Variants in DOK6 observed in about 807,000 individuals in gnomAD.
DOK6 encodes the protein docking protein 6.
A neutral mutation model predicts 44.0 loss-of-function variants in DOK6; 22 were observed. The observed-to-expected ratio is 0.50, with a 90% CI of 0.36 to 0.71. The LOEUF is 0.71. Among genes scored for constraint, DOK6 ranks in the 30% least tolerant of loss-of-function variants. DOK6 has a pLI of 0.00. For synonymous variants in DOK6, 166 were observed against 145.5 expected (o/e 1.14, Z -1.01); for missense variants, 340 against 416.4 (o/e 0.82, Z 1.60).
chr18:69,570,937 G>C (rs1983100281), intron 2 of DOK6, among the ~76,000 whole-genome samples: 1 of 152,066 alleles, frequency 6.6e-6, no homozygotes, highest in Non-Finnish European at 1.5e-5. Context: ...TCTTCAGGCA[G>C]ATTATACCAG....
At chr18:69,782,587 G>A (rs1272255859) in intron 7 of DOK6, among the ~76,000 whole-genome samples, 1 of 151,544 alleles carries the variant, frequency 6.6e-6, no homozygotes, top group African/African-American at 2.4e-5. Context: ...AAAGACAATA[G>A]AACAAGTTGT....
Position 69,482,516 on chromosome 18 carries a change from C to T in DOK6, c.66+81206C>T, listed in dbSNP as rs184584420. 1.8e-3 allele frequency among the ~76,000 whole-genome samples: 281 copies of T among 152,066 alleles called. 2 individuals carry two copies. Among genetic ancestry groups the T allele is most frequent in the African/African-American group, 6.4e-3 (266 of 41,448 alleles). ...TGTTTGTATCCCATGGAATTTAGAA[C>T]ATTAAGTGTCCTCATGACATTATAT... On this transcript the variant is annotated intron_variant, in intron 1 of 7. Transcript: ENST00000382713.
intron 3 of DOK6, among the ~76,000 whole-genome samples, chr18:69,642,991 G>A (rs1984981132): frequency 6.6e-6 from 1 of 152,042 alleles, no homozygotes; most frequent in Non-Finnish European, 1.5e-5. Flanking sequence ...TTTTTAGATG[G>A]TCTTAGAAAA....
At chr18:69,747,647 CAG>C (rs2144745475) in intron 6 of DOK6, among the ~76,000 whole-genome samples, 1 of 151,812 alleles carries the variant, frequency 6.6e-6, no homozygotes, top group South Asian at 2.1e-4. Flanking sequence ...GCAATGGGCT[CAG>C]AGTCTAGAGA....
chr18:69,809,565 GACACAC>G (rs57753226), intron 7 of DOK6, among the ~76,000 whole-genome samples: 171 of 145,738 alleles, frequency 1.2e-3, no homozygotes, highest in Admixed American at 1.4e-3. Context: ...CACACACACA[GACACAC>G]ACACACACAC....
At chr18:69,686,954 T>A (rs1986167032) in intron 4 of DOK6, among the ~76,000 whole-genome samples, 1 of 152,166 alleles carries the variant, frequency 6.6e-6, no homozygotes, top group South Asian at 2.1e-4. Flanking sequence ...TAAACTTTAG[T>A]TCCAAATAGT....
intron 6 of DOK6, among the ~76,000 whole-genome samples, chr18:69,744,468 T>C (rs1978913475): frequency 6.6e-6 from 1 of 152,128 alleles, no homozygotes; most frequent in African/African-American, 2.4e-5. Flanking sequence ...CTTTTTTTAC[T>C]GATAGTCATG....
At chr18:69,602,728 A>AT (rs531662408) in intron 3 of DOK6, among the ~76,000 whole-genome samples, 98 of 152,270 alleles carry the variant, frequency 6.4e-4, no homozygotes, top group African/African-American at 2.3e-3. Context: ...CCAAAATGAG[A>AT]TTTTTTTGTT....
chr18:69,848,285 T>G lies in DOK6; in HGVS notation c.*6902T>G, dbSNP rs1348731481. 1 of 152,208 alleles carries G rather than the reference T, an allele frequency of 6.6e-6. No individual in the cohort carries two copies. The highest frequency in any genetic ancestry group is 1.5e-5 in the Non-Finnish European group (1 of 68,036). The allele number at this position is 152,208 out of a possible 1,614,324, so 9.4% of individuals were successfully genotyped here. A position where few individuals can be genotyped will look rare whatever the true frequency, so the allele number is the denominator to read the frequency against. ...CATCATAAAGCGATGTCATCTGTAGTTGGTTCAATATAATGTTTATGATCA... is the reference window on the plus strand; with the variant it reads ...CATCATAAAGCGATGTCATCTGTAGGTGGTTCAATATAATGTTTATGATCA... On this transcript the variant is annotated 3_prime_UTR_variant, in exon 8 of 8. Transcript: ENST00000382713.
intron 1 of DOK6, among the ~76,000 whole-genome samples, chr18:69,477,735 A>C (rs1326151386): frequency 6.6e-6 from 1 of 152,208 alleles, no homozygotes; most frequent in Admixed American, 6.5e-5. Flanking sequence ...GATAACTTTT[A>C]AAGTGATTTC....
At chr18:69,793,110 T>C (rs1056895698) in intron 7 of DOK6, among the ~76,000 whole-genome samples, 3 of 152,134 alleles carry the variant, frequency 2.0e-5, no homozygotes, top group African/African-American at 7.2e-5. Context: ...TACCAGAGGA[T>C]CAATAAACTG....
intron 7 of DOK6, among the ~76,000 whole-genome samples, chr18:69,806,326 G>A (rs1981051667): frequency 6.6e-6 from 1 of 151,964 alleles, no homozygotes; most frequent in South Asian, 2.1e-4. Flanking sequence ...TCAGAAGCAT[G>A]CTAATTCTAT....
intron 2 of DOK6, among the ~76,000 whole-genome samples, chr18:69,575,303 T>A (rs962580181): frequency 2.0e-5 from 3 of 152,058 alleles, no homozygotes; most frequent in Non-Finnish European, 1.5e-5. Context: ...GAGGCATCTA[T>A]GGTATATTCA....
chr18:69,539,764 C>T (rs1478446034), intron 1 of DOK6, among the ~76,000 whole-genome samples: 3 of 152,028 alleles, frequency 2.0e-5, no homozygotes, highest in Non-Finnish European at 4.4e-5. Flanking sequence ...GCAGATGTAT[C>T]TAAGATGTAC....
chr18:69,416,207 A>T (rs1978339784), intron 1 of DOK6, among the ~76,000 whole-genome samples: 1 of 147,250 alleles, frequency 6.8e-6, no homozygotes, highest in Non-Finnish European at 1.5e-5. Context: ...GGAAGGAAGG[A>T]AGGAACGAAG....
At chr18:69,787,045 A>G (rs1319958901) in intron 7 of DOK6, among the ~76,000 whole-genome samples, 1 of 152,126 alleles carries the variant, frequency 6.6e-6, no homozygotes, top group East Asian at 1.9e-4. Context: ...GTGAAAACCC[A>G]TCTCTATCAA....
chr18:69,640,903 T>A (rs1278292963), intron 3 of DOK6, among the ~76,000 whole-genome samples: 1 of 152,018 alleles, frequency 6.6e-6, no homozygotes, highest in Non-Finnish European at 1.5e-5. Flanking sequence ...CTTCAAAACG[T>A]GCTTTCTGAT....
intron 6 of DOK6, among the ~76,000 whole-genome samples, chr18:69,745,495 C>A (rs977220844): frequency 1.3e-4 from 20 of 152,016 alleles, no homozygotes; most frequent in African/African-American, 4.8e-4. Flanking sequence ...ATGTAGGCCA[C>A]GAAAATCTAA....
rs1374997763 is a variant in DOK6, at chr18:69,749,877, G to T, written c.739-7879G>T. On this transcript the variant is annotated intron_variant, in intron 6 of 7. Transcript: ENST00000382713. ...AATTGCTTGAACCTGGGAGGCGAAG[G>T]TTGCAGTGAGCCACCAAGACTGCGC... 1.1e-4 allele frequency among the ~76,000 whole-genome samples: 17 copies of T among 150,856 alleles called. 1 individual carries two copies. Among genetic ancestry groups the T allele is most frequent in the Admixed American group, 1.1e-3 (16 of 15,132 alleles).
Sources: gnomAD v4.1 joint callset for allele counts (sites outside exome capture counted in the v4.1 genomes callset) on GRCh38, gnomAD v4.1.1 for gene constraint, MANE v1.5 for transcripts, NCBI Gene and HGNC (gene_info 2026-07-23, HGNC 2026-07-21) for gene names.